The following PITPNC1 variants were observed in gnomAD, a reference collection of about 807,000 sequenced individuals.
PITPNC1 encodes the protein phosphatidylinositol transfer protein cytoplasmic 1.
PITPNC1 carries 18 observed loss-of-function variants against 44.7 expected under a neutral mutation model. The ratio of observed to expected loss-of-function variants is 0.40; its 90% confidence interval spans 0.28 to 0.60. PITPNC1 has a LOEUF of 0.60. Ranked by LOEUF, PITPNC1 falls within the 20% of genes least tolerant of loss-of-function variation. PITPNC1 has a pLI of 0.39. For missense variants in PITPNC1, 290 were observed against 418.4 expected, an observed-to-expected ratio of 0.69 and a Z score of 2.68; for synonymous variants, 141 against 149.6, an observed-to-expected ratio of 0.94 and a Z score of 0.42.
intron 4 of PITPNC1, among the ~76,000 whole-genome samples, chr17:67,572,466 A>G (rs1263182804): frequency 2.0e-5 from 1 of 50,644 alleles, no homozygotes; most frequent in Non-Finnish European, 3.5e-5. Context: ...AGCTGGGTAA[A>G]GCGGGGGGGG....
At chr17:67,614,684 A>T (rs1030872423) in intron 5 of PITPNC1, among the ~76,000 whole-genome samples, 3 of 150,574 alleles carry the variant, frequency 2.0e-5, no homozygotes, top group African/African-American at 4.8e-5. Context: ...AAAAAAAAAA[A>T]ATAAATATAT....
intron 4 of PITPNC1, among the ~76,000 whole-genome samples, chr17:67,568,437 T>A (rs2041010169): frequency 6.6e-6 from 1 of 152,212 alleles, no homozygotes; most frequent in South Asian, 2.1e-4. Context: ...AATGGTTGTA[T>A]AACTCTGAAT....
At chr17:67,550,696 C>T (rs1165816148) in intron 2 of PITPNC1, among the ~76,000 whole-genome samples, 1 of 152,034 alleles carries the variant, frequency 6.6e-6, no homozygotes, top group African/African-American at 2.4e-5. Flanking sequence ...TAGCTATAGG[C>T]CCCAGAGTAG....
At chr17:67,429,572 C>T (rs1377245362) in intron 1 of PITPNC1, among the ~76,000 whole-genome samples, 1 of 152,012 alleles carries the variant, frequency 6.6e-6, no homozygotes, top group Non-Finnish European at 1.5e-5. Context: ...GTGGCGATTG[C>T]CTATAATCGT....
At chr17:67,671,741 C>T (rs1165293063) in intron 7 of PITPNC1, among the ~76,000 whole-genome samples, 1 of 152,134 alleles carries the variant, frequency 6.6e-6, no homozygotes, top group Non-Finnish European at 1.5e-5. Context: ...TCCAGGATCT[C>T]CTGTTTTCCT....
At chr17:67,420,656 T>G (rs2038660050) in intron 1 of PITPNC1, among the ~76,000 whole-genome samples, 1 of 152,112 alleles carries the variant, frequency 6.6e-6, no homozygotes, top group African/African-American at 2.4e-5. Context: ...GGTCTTGAAC[T>G]CCTGGCCTCA....
chr17:67,474,529 T>G (rs2144013931), intron 1 of PITPNC1, among the ~76,000 whole-genome samples: 1 of 152,204 alleles, frequency 6.6e-6, no homozygotes, highest in African/African-American at 2.4e-5. Context: ...CTCTCCTGTT[T>G]CCCCAGCAGT....
chr17:67,685,602 A>C (rs1399244694), intron 8 of PITPNC1, among the ~76,000 whole-genome samples: 1 of 152,218 alleles, frequency 6.6e-6, no homozygotes, highest in Non-Finnish European at 1.5e-5. Context: ...CAGAGGAAGC[A>C]CTTTGTTCGG....
At chr17:67,547,718 C>T (rs767444217) in intron 2 of PITPNC1, among the ~76,000 whole-genome samples, 2 of 152,034 alleles carry the variant, frequency 1.3e-5, no homozygotes, top group Admixed American at 6.6e-5. Flanking sequence ...TCATAGGGAT[C>T]GTAAAGTACC....
chr17:67,494,007 G>A (rs1368581), intron 1 of PITPNC1, among the ~76,000 whole-genome samples: 1 of 152,158 alleles, frequency 6.6e-6, no homozygotes, highest in Non-Finnish European at 1.5e-5. Flanking sequence ...AGTCCCCAGG[G>A]ATAGAGCATG....
intron 2 of PITPNC1, among the ~76,000 whole-genome samples, chr17:67,545,355 A>G (rs2040664644): frequency 6.6e-6 from 1 of 152,036 alleles, no homozygotes. Flanking sequence ...AAGCAGGCAG[A>G]TCACTTGAGG....
At position 67,425,193 on chromosome 17, in the gene PITPNC1, GCACGCACACGCACACACACACA is replaced by G. The variant is rs1286457195; in HGVS notation, c.48+46995_48+47016del. Among the ~76,000 whole-genome samples, 59 of 52,116 alleles carry G rather than the reference GCACGCACACGCACACACACACA, an allele frequency of 1.1e-3. 3 individuals carry two copies. The highest frequency in any genetic ancestry group is 1.6e-3 in the Non-Finnish European group (45 of 27,776). The allele number at this position is 52,116 out of a possible 152,430, so 34.2% of individuals were successfully genotyped here. A position where few individuals can be genotyped will look rare whatever the true frequency, so the allele number is the denominator to read the frequency against. ...AAATAAACAGCCATGTTGTGCGCGC[GCACGCACACGCACACACACACA>G]CACACACACACACACACACACACAC... On this transcript the variant is annotated intron_variant, in intron 1 of 8. Coordinates refer to ENST00000581322, the MANE Select transcript of PITPNC1 (RefSeq NM_012417.4).
intron 5 of PITPNC1, among the ~76,000 whole-genome samples, chr17:67,618,780 C>T (rs546194654): frequency 1.6e-3 from 245 of 149,782 alleles, no homozygotes; most frequent in African/African-American, 5.3e-3. Flanking sequence ...AAACACTGGC[C>T]GGGCGCGGTG....
At chr17:67,672,543 G>A (rs1332326873) in intron 7 of PITPNC1, among the ~76,000 whole-genome samples, 1 of 151,808 alleles carries the variant, frequency 6.6e-6, no homozygotes, top group South Asian at 2.1e-4. Flanking sequence ...AGGTTGCAGT[G>A]AGCCTAGGTC....
At chr17:67,504,701 T>A (rs1034295312) in intron 1 of PITPNC1, among the ~76,000 whole-genome samples, 33 of 152,340 alleles carry the variant, frequency 2.2e-4, no homozygotes, top group Non-Finnish European at 2.6e-4. Context: ...AGAGCCAACT[T>A]TTGGTTTTGT....
intron 1 of PITPNC1, among the ~76,000 whole-genome samples, chr17:67,439,085 G>A (rs1252753050): frequency 6.6e-6 from 1 of 152,204 alleles, no homozygotes; most frequent in East Asian, 1.9e-4. Flanking sequence ...CGGACACACA[G>A]TAGGTGCTGA....
intron 4 of PITPNC1, among the ~76,000 whole-genome samples, chr17:67,564,834 G>T (rs1446259476): frequency 6.6e-6 from 1 of 152,026 alleles, no homozygotes; most frequent in Non-Finnish European, 1.5e-5. Flanking sequence ...GATATTTATT[G>T]TAACATCCAA....
intron 1 of PITPNC1, among the ~76,000 whole-genome samples, chr17:67,417,117 A>G (rs1309610514): frequency 1.3e-5 from 2 of 151,162 alleles, no homozygotes; most frequent in Non-Finnish European, 2.9e-5. Flanking sequence ...CCCGGCCAAC[A>G]TTCAGCATTC....
chr17:67,416,203 C>CTTTATTTTTTTT (rs2038586261), intron 1 of PITPNC1, among the ~76,000 whole-genome samples: 1 of 67,614 alleles, frequency 1.5e-5, no homozygotes, highest in African/African-American at 6.4e-5. Context: ...ACATGTATTG[C>CTTTATTTTTTTT]TTTTTTTTTT....
Sources: allele counts gnomAD v4.1 joint callset (sites outside exome capture counted in the v4.1 genomes callset), GRCh38; gene constraint gnomAD v4.1.1; transcripts MANE v1.5; gene names NCBI Gene and HGNC (gene_info 2026-07-23, HGNC 2026-07-21).